The following SCNN1G variants were observed in gnomAD, a reference collection of about 807,000 sequenced individuals.
SCNN1G encodes the protein sodium channel epithelial 1 subunit gamma.
A neutral mutation model predicts 64.6 loss-of-function variants in SCNN1G; 27 were observed. That is an observed-to-expected ratio of 0.42 (90% CI 0.31 to 0.58). The LOEUF is 0.58. SCNN1G is among the 20% of genes least tolerant of loss of function. The probability of loss-of-function intolerance (pLI) is 0.18; values close to 1 mark genes in which losing one functional copy is unlikely to be tolerated. For synonymous variants in SCNN1G, 330 were observed against 314.2 expected, an observed-to-expected ratio of 1.05 and a Z score of -0.53; for missense variants, 743 against 823.4, an observed-to-expected ratio of 0.90 and a Z score of 1.19.
intron 3 of SCNN1G, among the ~76,000 whole-genome samples, chr16:23,190,442 T>C (rs1959689233): frequency 6.6e-6 from 1 of 152,002 alleles, no homozygotes; most frequent in Non-Finnish European, 1.5e-5. Context: ...AGGGCAGAAA[T>C]TAGGGCAGAT....
chr16:23,189,529 C>T lies in SCNN1G; in HGVS notation c.476C>T (p.Pro159Leu), dbSNP rs757165262. 9 of 1,614,100 alleles carry T rather than the reference C, an allele frequency of 5.6e-6. No homozygotes were observed. Among genetic ancestry groups the T allele is most frequent in the African/African-American group, 2.7e-5 (2 of 74,930 alleles). The change falls in exon 3 of 13, where the codon CCG becomes CTG. Residue 159 changes from proline to leucine, a missense_variant. Physicochemically the swap from Pro to Leu is moderately conservative, Grantham distance 98. Coordinates refer to ENST00000300061, the MANE Select transcript of SCNN1G (RefSeq NM_001039.4). The part of the protein sequence containing the change: ...GKQPRFSHRI[P>L]LLIFDQDEKG... ...CAGCCTAGATTCTCCCACCGGATTCCGCTGCTGATCTTTGATCAGGATGAG... is the reference window on the plus strand; with the variant it reads ...CAGCCTAGATTCTCCCACCGGATTCTGCTGCTGATCTTTGATCAGGATGAG...
intron 6 of SCNN1G, among the ~76,000 whole-genome samples, chr16:23,203,855 C>G (rs1959933818): frequency 6.7e-6 from 1 of 148,772 alleles, no homozygotes; most frequent in Admixed American, 6.7e-5. Flanking sequence ...TGTATAATCT[C>G]TGCCTCAGTG....
chr16:23,212,100 C>A lies in SCNN1G; in HGVS notation c.1243C>A (p.Pro415Thr). 3 of 1,614,002 alleles carry A rather than the reference C, an allele frequency of 1.9e-6. No homozygotes were observed. The highest frequency in any genetic ancestry group is 8.5e-7 in the Non-Finnish European group (1 of 1,179,940). ...EKCGCAQYSQ[P>T]LPPAANYCNY... ...ATGTGGGTGTGCCCAGTACAGCCAG[C>A]CTCTACCTCCTGCAGCCAACTACTG... The change falls in exon 8 of 13, where the codon CCT becomes ACT. Residue 415 changes from proline to threonine, a missense_variant. Pro to Thr is a conservative substitution (Grantham distance 38). Coordinates refer to ENST00000300061, the MANE Select transcript of SCNN1G (RefSeq NM_001039.4).
intron 6 of SCNN1G, among the ~76,000 whole-genome samples, chr16:23,208,659 CTT>C (rs1960031268): frequency 7.1e-6 from 1 of 140,764 alleles, no homozygotes; most frequent in African/African-American, 2.6e-5. Flanking sequence ...CTCTCTCTCT[CTT>C]TCTTTCTCTC....
Position 23,209,866 on chromosome 16 carries a change from G to C in SCNN1G, c.1176+18G>C. 6.3e-7 allele frequency: 1 copy of C among 1,575,046 alleles called. No individual in the cohort carries two copies. The highest frequency in any genetic ancestry group is 8.7e-7 in the Non-Finnish European group (1 of 1,144,246). On this transcript the variant is annotated intron_variant, in intron 7 of 12. Coordinates refer to ENST00000300061, the MANE Select transcript of SCNN1G (RefSeq NM_001039.4). ...CGCTCCAGGTAACAGATTGGCAGGG[G>C]CACCCAGCCCTGGGTTTATGGCCCG... is the stretch of plus-strand genomic sequence containing the variant.
chr16:23,190,723 A>G (rs1182364474), intron 3 of SCNN1G, among the ~76,000 whole-genome samples: 4 of 152,158 alleles, frequency 2.6e-5, no homozygotes, highest in Admixed American at 1.3e-4. Flanking sequence ...AGGCACCCAA[A>G]AGAAAAAGAC....
chr16:23,196,790 T>C (rs1458721001), intron 5 of SCNN1G, among the ~76,000 whole-genome samples: 1 of 152,148 alleles, frequency 6.6e-6, no homozygotes. Context: ...TGTGTCCGCA[T>C]AGACTTCAGG....
chr16:23,183,733 A>G lies in SCNN1G; in HGVS notation c.-45+920A>G, dbSNP rs187457157. Among the ~76,000 whole-genome samples the G allele has an allele frequency of 1.9e-3, 296 of 152,344 alleles. 1 individual carries two copies. The highest frequency in any genetic ancestry group is 6.8e-3 in the African/African-American group (282 of 41,566). On this transcript the variant is annotated intron_variant, in intron 1 of 12. Transcript: ENST00000300061. Reference sequence around the variant, plus strand: ...GGATTAAATCAGGTAGTGTGTGAAAAGGACTGAGTGGGATGCCTGGGAGTA... The same window carrying G: ...GGATTAAATCAGGTAGTGTGTGAAAGGGACTGAGTGGGATGCCTGGGAGTA...
chr16:23,187,348 G>A (rs538384045), intron 2 of SCNN1G, among the ~76,000 whole-genome samples: 62 of 152,168 alleles, frequency 4.1e-4, no homozygotes, highest in Non-Finnish European at 5.4e-4. Context: ...AGCTCAAGTG[G>A]TGCTGCCACT....
chr16:23,212,022 C>A lies in SCNN1G; in HGVS notation c.1177-12C>A. 1.3e-6 allele frequency: 2 copies of A among 1,570,366 alleles called. No homozygotes were observed. Among genetic ancestry groups the A allele is most frequent in the Non-Finnish European group, 1.8e-6 (2 of 1,140,186 alleles). ...AAAGACATGAATGGCATTCCTGGGT[C>A]TCCTCTTTCAGATCTGCCTTCATTC... On this transcript the variant is annotated splice_polypyrimidine_tract_variant and intron_variant, in intron 7 of 12. Transcript: ENST00000300061.
At chr16:23,198,891 C>CA (rs1202566526) in intron 6 of SCNN1G, among the ~76,000 whole-genome samples, 2 of 151,738 alleles carry the variant, frequency 1.3e-5, no homozygotes, top group Non-Finnish European at 2.9e-5. Flanking sequence ...CCCATCTCTA[C>CA]AAAAAATATA....
intron 3 of SCNN1G, among the ~76,000 whole-genome samples, chr16:23,191,246 G>A (rs1323962572): frequency 6.6e-6 from 1 of 152,094 alleles, no homozygotes; most frequent in Admixed American, 6.6e-5. Flanking sequence ...GCCACCTCTG[G>A]AGGACAGGGG....
rs79474885 is a variant in SCNN1G at position 23,184,776 on chromosome 16, G to A, written c.-44-1452G>A. Among the ~76,000 whole-genome samples the A allele has an allele frequency of 7.4e-3, 1,130 of 152,228 alleles. 16 individuals are homozygous for A. Among genetic ancestry groups the A allele is most frequent in the African/African-American group, 0.025 (1,038 of 41,540 alleles). ...AAAAAGACATAACTCTGCAGGTTCC[G>A]AATACTGCCTAAAAATCTTGATGGG... On this transcript the variant is annotated intron_variant, in intron 1 of 12. Coordinates refer to ENST00000300061, the MANE Select transcript of SCNN1G (RefSeq NM_001039.4).
intron 8 of SCNN1G, 54 bp downstream of exon 8, chr16:23,212,205 T>TG: frequency 8.2e-7 from 1 of 1,216,578 alleles, no homozygotes. Flanking sequence ...GTCAGCCTAG[T>TG]CCTGGCAATA....
At chr16:23,200,452 A>G (rs1165286776) in intron 6 of SCNN1G, among the ~76,000 whole-genome samples, 2 of 152,204 alleles carry the variant, frequency 1.3e-5, no homozygotes, top group African/African-American at 4.8e-5. Flanking sequence ...TGAAGCTAGA[A>G]TGACACAAAG....
In SCNN1G at chr16:23,215,128, C is replaced by T. The variant is rs893091600; in HGVS notation, c.1609C>T (p.Leu537=). 2.5e-6 allele frequency: 4 copies of T among 1,613,978 alleles called. No individual in the cohort carries two copies. In the African/African-American group the frequency reaches 5.3e-5, roughly 22 times the overall value. Reference sequence around the variant, plus strand: ...GTCCAACTTCGGTGGCCAGCTGGGCCTGTGGATGAGCTGCTCTGTTGTCTG... The same window carrying T: ...GTCCAACTTCGGTGGCCAGCTGGGCTTGTGGATGAGCTGCTCTGTTGTCTG... The part of the protein sequence containing the change: ...LLSNFGGQLG[L]WMSCSVVCVI... Residue 537 remains leucine, a synonymous_variant, in exon 13 of 13, where the codon CTG becomes TTG. Transcript: ENST00000300061.
intron 6 of SCNN1G, among the ~76,000 whole-genome samples, chr16:23,203,615 A>C (rs1959928114): frequency 6.6e-6 from 1 of 151,612 alleles, no homozygotes; most frequent in Non-Finnish European, 1.5e-5. Context: ...CTAAAAATAC[A>C]AAAAATTAGC....
intron 4 of SCNN1G, among the ~76,000 whole-genome samples, chr16:23,193,144 T>G (rs1316000415): frequency 4.0e-5 from 6 of 151,832 alleles, no homozygotes. Flanking sequence ...TTGCTGTTTT[T>G]GTCATATGGT....
intron 11 of SCNN1G, among the ~76,000 whole-genome samples, chr16:23,214,181 CTG>C (rs1380358507): frequency 6.6e-6 from 1 of 152,192 alleles, no homozygotes; most frequent in Non-Finnish European, 1.5e-5. Flanking sequence ...CTTAACCAAT[CTG>C]CATCTCAGTT....
Sources: gnomAD v4.1 joint callset for allele counts (sites outside exome capture counted in the v4.1 genomes callset) on GRCh38, gnomAD v4.1.1 for gene constraint, MANE v1.5 for transcripts, NCBI Gene and HGNC (gene_info 2026-07-23, HGNC 2026-07-21) for gene names.